THEM5: variants seen among roughly 807,000 people sequenced by gnomAD.
The protein encoded by THEM5 is acyl-coenzyme A thioesterase THEM5.
THEM5 carries 28 observed loss-of-function variants against 24.2 expected under a neutral mutation model. The observed-to-expected ratio is 1.16, with a 90% confidence interval of 0.86 to 1.59. The LOEUF (loss-of-function observed/expected upper bound fraction) is 1.59, where lower values mean the gene tolerates loss of function less well. Ranked by LOEUF, THEM5 falls within the 40% of genes most tolerant of loss-of-function variation. The pLI, the probability that THEM5 is intolerant of heterozygous loss-of-function variation, is 0.00. For missense variants in THEM5, 260 were observed against 296.8 expected (o/e 0.88, Z 0.91); for synonymous variants, 87 against 114.5 (o/e 0.76, Z 1.53).
At chr1:151,849,473 T>A (rs1188696645) in intron 3 of THEM5, among the ~76,000 whole-genome samples, 2 of 152,200 alleles carry the variant, frequency 1.3e-5, no homozygotes, top group Admixed American at 1.3e-4. Flanking sequence ...CTTCCCTCCC[T>A]GCTTCTTTAG....
intron 3 of THEM5, 132 bp from the exon 4 acceptor site, chr1:151,848,424 C>T: frequency 1.5e-6 from 1 of 679,052 alleles, no homozygotes; most frequent in Admixed American, 2.7e-5. Context: ...CACAGACGTT[C>T]AGCCTCAGGG....
At chr1:151,850,082 C>G (rs889295227) in intron 3 of THEM5, among the ~76,000 whole-genome samples, 1 of 152,198 alleles carries the variant, frequency 6.6e-6, no homozygotes, top group Non-Finnish European at 1.5e-5. Context: ...TTGGGATGGC[C>G]AAGGTGACTG....
chr1:151,849,112 G>A (rs1322932084), intron 3 of THEM5, among the ~76,000 whole-genome samples: 2 of 151,788 alleles, frequency 1.3e-5, no homozygotes, highest in African/African-American at 2.4e-5. Flanking sequence ...TCAGCTACTC[G>A]AGAGGCTGAG....
At chr1:151,853,381 G>A in intron 1 of THEM5, 62 bp downstream of exon 1, 1 of 1,556,768 alleles carries the variant, frequency 6.4e-7, no homozygotes, top group South Asian at 1.2e-5. Context: ...GAGATTTGGG[G>A]TGCTCCTTAA....
rs1201803421 is a variant in THEM5, at chr1:151,852,258, C to T, written c.325G>A (p.Asp109Asn). ...KLPSGLAVSS[D>N]KGDCRIFTRC... The stretch of plus-strand genomic sequence containing the variant: ...TGTGTACTCATGGTCCTGTCCTTAC[C>T]TGAGGAAACTGCCAGTCCAGATGGG... Residue 109 changes from aspartate (D) to asparagine (N), a missense_variant and splice_region_variant, in exon 2 of 6, where the codon GAC becomes AAC. By Grantham distance (23) the Asp-to-Asn change is conservative. Transcript: ENST00000368817. 3 of 1,613,034 alleles carry T rather than the reference C, an allele frequency of 1.9e-6. No individual in the cohort carries two copies.
chr1:151,853,589 T>G lies in THEM5; in HGVS notation c.-24A>C. Reference sequence around the variant, plus strand: ...ATGGCCAAGTGCAAGGATCCAGCCCTGCTTGGATGGAGGGTCTTGGCTGAC... The same window carrying G: ...ATGGCCAAGTGCAAGGATCCAGCCCGGCTTGGATGGAGGGTCTTGGCTGAC... On this transcript the variant is annotated 5_prime_UTR_variant, in exon 1 of 6. Coordinates refer to ENST00000368817, the MANE Select transcript of THEM5 (RefSeq NM_182578.4). 1 of 1,600,546 alleles carries G rather than the reference T, an allele frequency of 6.2e-7. No individual in the cohort carries two copies. Among genetic ancestry groups the G allele is most frequent in the Non-Finnish European group, 8.5e-7 (1 of 1,172,824 alleles).
rs555727244 is a variant in THEM5, at chr1:151,848,177, C to T, written c.575+5G>A. 1 of 1,614,114 alleles carries T rather than the reference C, an allele frequency of 6.2e-7. No individual in the cohort carries two copies. Among genetic ancestry groups the T allele is most frequent in the South Asian group, 1.1e-5 (1 of 91,088 alleles). Reference sequence around the variant, plus strand: ...TTGGCCAATGCCCCAGGGGCCCATACTTACTTTTTGAACCTGATGTTGAGA... The same window carrying T: ...TTGGCCAATGCCCCAGGGGCCCATATTTACTTTTTGAACCTGATGTTGAGA... On this transcript the variant is annotated splice_donor_5th_base_variant and intron_variant, in intron 4 of 5. Coordinates refer to ENST00000368817, the MANE Select transcript of THEM5 (RefSeq NM_182578.4).
Position 151,853,540 on chromosome 1 carries a change from G to A in THEM5, c.26C>T (p.Ala9Val), listed in dbSNP as rs1355101534. The part of the protein sequence containing the change: MIRRCFQV[A>V]ARLGHHRGLL... ...GCCTCTGTGGTGGCCAAGTCTTGCT[G>A]CCACCTGGAAGCATCTCCTTATCAT... The change falls in exon 1 of 6, where the codon GCA becomes GTA. Residue 9 changes from alanine (A) to valine (V), a missense_variant. By Grantham distance (64) the Ala-to-Val change is moderately conservative. Transcript: ENST00000368817. The A allele has an allele frequency of 6.2e-7, 1 of 1,613,240 alleles. No homozygotes were observed. Among genetic ancestry groups the A allele is most frequent in the Admixed American group, 1.7e-5 (1 of 59,926 alleles).
chr1:151,853,225 A>G (rs1379810008), intron 1 of THEM5, among the ~76,000 whole-genome samples: 1 of 152,274 alleles, frequency 6.6e-6, no homozygotes, highest in Non-Finnish European at 1.5e-5. Context: ...GTTGGTGGCC[A>G]CACAAGACAC....
At chr1:151,848,354 A>G (rs538004857) in intron 3 of THEM5, 62 bp from the exon 4 acceptor site, 74 of 1,306,304 alleles carry the variant, frequency 5.7e-5, no homozygotes, top group South Asian at 2.2e-4. Context: ...GACCCCCTCA[A>G]TGGGCCTTCC....
chr1:151,853,625 T>A lies in THEM5; in HGVS notation c.-60A>T. On this transcript the variant is annotated 5_prime_UTR_variant, in exon 1 of 6. Coordinates refer to ENST00000368817, the MANE Select transcript of THEM5 (RefSeq NM_182578.4). ...AGGGTCTTGGCTGACTCCCAAGGAG[T>A]GCTTTCAGCTGCACTTGGGGCCGCT... 2.0e-6 allele frequency: 3 copies of A among 1,515,352 alleles called. No homozygotes were observed. In the South Asian group the frequency reaches 4.0e-5, roughly 20 times the overall value. 93.9% of individuals were successfully genotyped at this position (1,515,352 alleles called of 1,614,324 possible).
intron 5 of THEM5, 101 bp from the exon 6 acceptor site, chr1:151,847,515 T>C: frequency 6.6e-7 from 1 of 1,507,544 alleles, no homozygotes; most frequent in South Asian, 1.1e-5. Context: ...ATTACCTGGG[T>C]CCTGTCCTTT....
chr1:151,853,652 C>T lies in THEM5; in HGVS notation c.-87G>A, dbSNP rs1381208705. ...CTTTCAGCTGCACTTGGGGCCGCTT[C>T]TCTCCCTTCTGTTGCAGGCTTTCTT... On this transcript the variant is annotated 5_prime_UTR_variant, in exon 1 of 6. Coordinates refer to ENST00000368817, the MANE Select transcript of THEM5 (RefSeq NM_182578.4). 13 of 1,462,840 alleles carry T rather than the reference C, an allele frequency of 8.9e-6. No homozygotes were observed. The highest frequency in any genetic ancestry group is 1.1e-5 in the Non-Finnish European group (12 of 1,099,210). The allele number at this position is 1,462,840 out of a possible 1,614,324, so 90.6% of individuals were successfully genotyped here.
chr1:151,853,561 A>G lies in THEM5; in HGVS notation c.5T>C (p.Ile2Thr), dbSNP rs1401329968. ...TGCTGCCACCTGGAAGCATCTCCTT[A>G]TCATGGCCAAGTGCAAGGATCCAGC... Reference protein sequence around the residue: MIRRCFQVAARL... With the variant: MTRRCFQVAARL... Residue 2 changes from isoleucine (I) to threonine (T), a missense_variant, in exon 1 of 6, where the codon ATA becomes ACA. Coordinates refer to ENST00000368817, the MANE Select transcript of THEM5 (RefSeq NM_182578.4). 1 of 1,612,050 alleles carries G rather than the reference A, an allele frequency of 6.2e-7. No individual in the cohort carries two copies. The highest frequency in any genetic ancestry group is 8.5e-7 in the Non-Finnish European group (1 of 1,179,010).
chr1:151,847,657 G>T, intron 5 of THEM5, 81 bp downstream of exon 5: 2 of 1,568,618 alleles, frequency 1.3e-6, no homozygotes, highest in Non-Finnish European at 8.7e-7. Context: ...ATGAATCATT[G>T]GCATCTTTTC....
At chr1:151,848,819 C>T (rs1653025350) in intron 3 of THEM5, among the ~76,000 whole-genome samples, 1 of 152,220 alleles carries the variant, frequency 6.6e-6, no homozygotes, top group Non-Finnish European at 1.5e-5. Flanking sequence ...TGGCATGACA[C>T]ACTTCTGAGC....
rs200948412 is a variant in THEM5 at position 151,847,828 on chromosome 1, C to A, written c.610G>T (p.Val204Leu). The stretch of plus-strand genomic sequence containing the variant: ...TGGTCCTCAATCTTGTCCAGTTCTA[C>A]GTCCATTACAACCAGAGAGTCCACG... ...IPVDSLVVMD[V>L]ELDKIEDQKL... The change falls in exon 5 of 6, where the codon GTA becomes TTA. Residue 204 changes from valine (V) to leucine (L), a missense_variant. By Grantham distance (32) the Val-to-Leu change is conservative (BLOSUM62 1). Transcript: ENST00000368817. 2 of 1,614,052 alleles carry A rather than the reference C, an allele frequency of 1.2e-6. No homozygotes were observed. Among genetic ancestry groups the A allele is most frequent in the South Asian group, 2.2e-5 (2 of 91,082 alleles).
At chr1:151,852,215 G>A (rs1273716500) in intron 2 of THEM5, 43 bp downstream of exon 2, 1 of 1,592,262 alleles carries the variant, frequency 6.3e-7, no homozygotes, top group South Asian at 1.1e-5. Context: ...TAGAACACAG[G>A]GAAGGGCGGC....
intron 3 of THEM5, 65 bp from the exon 4 acceptor site, chr1:151,848,357 G>C (rs183515995): frequency 1.2e-5 from 15 of 1,264,954 alleles, no homozygotes; most frequent in Non-Finnish European, 1.6e-5. Context: ...CCCCTCAATG[G>C]GCCTTCCCTC....
Sources: allele counts gnomAD v4.1 joint callset (sites outside exome capture counted in the v4.1 genomes callset), GRCh38; gene constraint gnomAD v4.1.1; transcripts MANE v1.5; gene names NCBI Gene and HGNC (gene_info 2026-07-23, HGNC 2026-07-21).